Variants in APPBP2 observed in about 807,000 individuals in gnomAD.
APPBP2 encodes amyloid protein-binding protein 2.
In APPBP2, 15 loss-of-function variants were observed where a neutral mutation model predicts 76.0. That is an observed-to-expected ratio of 0.20 (90% CI 0.13 to 0.30). The LOEUF is 0.30. APPBP2 is among the 10% of genes least tolerant of loss of function. The probability of loss-of-function intolerance (pLI) is 1.00; values close to 1 mark genes in which losing one functional copy is unlikely to be tolerated. For missense variants in APPBP2, 401 were observed against 687.2 expected (o/e 0.58, Z 4.66); for synonymous variants, 222 against 242.2 (o/e 0.92, Z 0.77).
At chr17:60,518,142 C>T (rs1193405643) in intron 1 of APPBP2, among the ~76,000 whole-genome samples, 1 of 151,290 alleles carries the variant, frequency 6.6e-6, no homozygotes, top group African/African-American at 2.4e-5. Flanking sequence ...ACTGCAACCT[C>T]CGCATCCTGG....
chr17:60,486,982 G>A (rs950067544), intron 3 of APPBP2, among the ~76,000 whole-genome samples: 3 of 152,120 alleles, frequency 2.0e-5, no homozygotes, highest in African/African-American at 7.2e-5. Context: ...TGAAATTCTG[G>A]GTTGAAAATT....
At chr17:60,453,604 A>G (rs893341774) in intron 11 of APPBP2, among the ~76,000 whole-genome samples, 14 of 146,158 alleles carry the variant, frequency 9.6e-5, no homozygotes, top group Admixed American at 7.4e-4. Flanking sequence ...CAGTGGTGTG[A>G]TCAGAGCTCA....
At chr17:60,463,979 T>A in intron 6 of APPBP2, 42 bp downstream of exon 6, 1 of 1,398,002 alleles carries the variant, frequency 7.2e-7, no homozygotes, top group Non-Finnish European at 9.9e-7. Context: ...TAAAGCCTGA[T>A]AAATCCTATA....
At chr17:60,512,112 TC>T (rs200525709) in intron 1 of APPBP2, among the ~76,000 whole-genome samples, 2,268 of 151,268 alleles carry the variant, frequency 0.015, 67 homozygotes, top group African/African-American at 0.052. Flanking sequence ...ATTATTATTT[TC>T]TTTTTTTGAG....
At chr17:60,468,325 G>T (rs940491087) in intron 4 of APPBP2, 1 of 151,962 alleles carries the variant, frequency 6.6e-6, no homozygotes, top group Non-Finnish European at 1.5e-5. Flanking sequence ...AAAAGTCCTT[G>T]AGAAAAAAAG....
intron 1 of APPBP2, among the ~76,000 whole-genome samples, chr17:60,524,246 C>A (rs1487476160): frequency 1.3e-5 from 2 of 152,170 alleles, no homozygotes; most frequent in African/African-American, 4.8e-5. Flanking sequence ...ACTTGGATTA[C>A]ATTCCCAATG....
chr17:60,470,793 ATT>A (rs375651282), intron 4 of APPBP2, among the ~76,000 whole-genome samples: 7 of 117,292 alleles, frequency 6.0e-5, no homozygotes, highest in African/African-American at 9.1e-5. Context: ...GCCAGACTGG[ATT>A]TTTTTTTTTT....
intron 1 of APPBP2, among the ~76,000 whole-genome samples, chr17:60,517,480 A>G (rs144918875): frequency 6.6e-6 from 1 of 152,346 alleles, no homozygotes; most frequent in East Asian, 1.9e-4. Flanking sequence ...ATCCAAATTA[A>G]TCTTTGCTGA....
intron 5 of APPBP2, 45 bp from the exon 6 acceptor site, chr17:60,464,155 A>G (rs1428882970): frequency 6.8e-7 from 1 of 1,479,158 alleles, no homozygotes; most frequent in Non-Finnish European, 9.3e-7. Context: ...GGTTAAATCA[A>G]GTTGACAATA....
In APPBP2 at chr17:60,456,283, T is replaced by C. The variant is rs1384556968; in HGVS notation, c.1147+13A>G. 2 of 1,541,626 alleles carry C rather than the reference T, an allele frequency of 1.3e-6. No homozygotes were observed. The highest frequency in any genetic ancestry group is 9.0e-7 in the Non-Finnish European group (1 of 1,115,064). On this transcript the variant is annotated intron_variant, in intron 10 of 12. Coordinates refer to ENST00000083182, the MANE Select transcript of APPBP2 (RefSeq NM_006380.5). The stretch of plus-strand genomic sequence containing the variant: ...CTATTTTAAAATATCTGAGACTAGA[T>C]TACAAAGGATACCTTTCACCCTCTT...
intron 3 of APPBP2, among the ~76,000 whole-genome samples, chr17:60,491,209 A>G (rs1421706828): frequency 1.3e-5 from 2 of 152,132 alleles, no homozygotes; most frequent in Non-Finnish European, 1.5e-5. Flanking sequence ...TCTCAGATGG[A>G]GATGAGGAAC....
In APPBP2 at chr17:60,516,196, A is replaced by G. The variant is rs559658883; in HGVS notation, c.138+9598T>C. On this transcript the variant is annotated intron_variant, in intron 1 of 12. Coordinates refer to ENST00000083182, the MANE Select transcript of APPBP2 (RefSeq NM_006380.5). ...AAAACAAAAAAAAAACAAACAAAAA[A>G]AACCAGATGAGAGTGGTGGTATCCA... Among the ~76,000 whole-genome samples the G allele has an allele frequency of 2.7e-4, 41 of 152,102 alleles. No homozygotes were observed. The South Asian group carries it at 8.1e-3, about 30-fold the overall frequency.
chr17:60,456,245 T>TACCATATATCATCTATTTTAA (rs763897886), intron 10 of APPBP2, 51 bp downstream of exon 10: 18 of 1,223,244 alleles, frequency 1.5e-5, no homozygotes, highest in Admixed American at 3.5e-5. Flanking sequence ...CCCTATTTTA[T>TACCATATATCATCTATTTTAA]ACCATATATC....
chr17:60,522,202 T>C (rs535898979), intron 1 of APPBP2, among the ~76,000 whole-genome samples: 4 of 152,348 alleles, frequency 2.6e-5, no homozygotes, highest in Admixed American at 6.5e-5. Flanking sequence ...TACACCTCAG[T>C]AGACATTCCC....
chr17:60,480,814 T>G (rs1346606119), intron 3 of APPBP2, among the ~76,000 whole-genome samples: 1 of 152,160 alleles, frequency 6.6e-6, no homozygotes, highest in Non-Finnish European at 1.5e-5. Flanking sequence ...TCCGTTTGGC[T>G]CAGCGAATAG....
At chr17:60,466,003 A>C (rs903294007) in intron 5 of APPBP2, among the ~76,000 whole-genome samples, 1 of 151,954 alleles carries the variant, frequency 6.6e-6, no homozygotes, top group Admixed American at 6.6e-5. Flanking sequence ...ACATGCGGCT[A>C]ATTTTCTATA....
At chr17:60,514,392 T>C (rs144857226) in intron 1 of APPBP2, among the ~76,000 whole-genome samples, 1,603 of 152,178 alleles carry the variant, frequency 0.011, 9 homozygotes, top group Non-Finnish European at 0.018. Flanking sequence ...GACCGCCTAA[T>C]GCCAGGAATT....
intron 1 of APPBP2, chr17:60,513,486 A>G: frequency 1.8e-6 from 1 of 569,002 alleles, no homozygotes; most frequent in Non-Finnish European, 3.2e-6. Flanking sequence ...GAAGATGGAC[A>G]CGAAGAAGGA....
chr17:60,522,867 T>C (rs2091021404), intron 1 of APPBP2, among the ~76,000 whole-genome samples: 1 of 151,624 alleles, frequency 6.6e-6, no homozygotes, highest in Non-Finnish European at 1.5e-5. Flanking sequence ...CATTCTTTTT[T>C]TTTTTTAAAA....
Sources: gnomAD v4.1 joint callset for allele counts (sites outside exome capture counted in the v4.1 genomes callset) on GRCh38, gnomAD v4.1.1 for gene constraint, MANE v1.5 for transcripts, NCBI Gene and HGNC (gene_info 2026-07-23, HGNC 2026-07-21) for gene names.